CDC42SE2: variants seen among roughly 807,000 people sequenced by gnomAD.
CDC42SE2 encodes CDC42 small effector protein 2.
A neutral mutation model predicts 11.5 loss-of-function variants in CDC42SE2; 3 were observed. The observed-to-expected ratio is 0.26, with a 90% confidence interval of 0.12 to 0.67. The LOEUF is 0.67. Among genes scored for constraint, CDC42SE2 ranks in the 30% least tolerant of loss-of-function variants. CDC42SE2 has a pLI of 0.80. For missense variants in CDC42SE2, 82 were observed against 106.8 expected (o/e 0.77, Z 1.02); for synonymous variants, 33 against 34.8 (o/e 0.95, Z 0.18).
chr5:131,289,588 G>A (rs1483254954), intron 1 of CDC42SE2, among the ~76,000 whole-genome samples: 3 of 151,898 alleles, frequency 2.0e-5, no homozygotes, highest in Non-Finnish European at 4.4e-5. Context: ...CAGGAGAATG[G>A]CATGAACCCA....
At chr5:131,235,197 C>T in the CDC42SE2 span, among the ~76,000 whole-genome samples, 1 of 151,634 alleles carries the variant, frequency 6.6e-6, no homozygotes, top group Non-Finnish European at 1.5e-5. Context: ...CCAGTGAGGG[C>T]AAATAGTCTT....
intron 2 of CDC42SE2, among the ~76,000 whole-genome samples, chr5:131,347,838 G>T (rs143208256): frequency 0.034 from 5,222 of 152,254 alleles, 305 homozygotes; most frequent in African/African-American, 0.12. Flanking sequence ...TGCAAGGCTG[G>T]TTCAACATAT....
the CDC42SE2 span, among the ~76,000 whole-genome samples, chr5:131,226,127 A>G: frequency 6.6e-6 from 1 of 152,202 alleles, no homozygotes; most frequent in African/African-American, 2.4e-5. Context: ...CAGGATGGGT[A>G]TGGTTGACAC....
intron 1 of CDC42SE2, among the ~76,000 whole-genome samples, chr5:131,251,752 G>A (rs1420020013): frequency 2.0e-5 from 3 of 152,138 alleles, no homozygotes; most frequent in Non-Finnish European, 2.9e-5. Flanking sequence ...GGTGGCTTGT[G>A]CCTGTAATTG....
Position 131,344,514 on chromosome 5 carries a change from G to C in CDC42SE2, c.-285-14695G>C, listed in dbSNP as rs559100529. The stretch of plus-strand genomic sequence containing the variant: ...AAGAGCGGCCAGGAAGCTCGAACTG[G>C]GTGGAGCCCACCACAGCTCAAGGAG... On this transcript the variant is annotated intron_variant, in intron 2 of 4. Coordinates refer to ENST00000505065, the MANE Select transcript of CDC42SE2 (RefSeq NM_001375635.1). 2.0e-5 allele frequency among the ~76,000 whole-genome samples: 3 copies of C among 152,320 alleles called. No homozygotes were observed. In the South Asian group the frequency reaches 6.2e-4, roughly 32 times the overall value.
chr5:131,277,162 T>C (rs1009749781), intron 1 of CDC42SE2, among the ~76,000 whole-genome samples: 1 of 152,242 alleles, frequency 6.6e-6, no homozygotes, highest in African/African-American at 2.4e-5. Flanking sequence ...TAGTTTTCAT[T>C]AGAATTTGAC....
the CDC42SE2 span, among the ~76,000 whole-genome samples, chr5:131,212,032 G>A: frequency 4.0e-5 from 6 of 151,656 alleles, no homozygotes; most frequent in Non-Finnish European, 8.8e-5. Context: ...TAAATAAAAA[G>A]TAAAGTAAAA....
intron 3 of CDC42SE2, among the ~76,000 whole-genome samples, chr5:131,369,126 T>G (rs1749943473): frequency 6.6e-6 from 1 of 152,216 alleles, no homozygotes; most frequent in Non-Finnish European, 1.5e-5. Context: ...CATCTATGTA[T>G]GTATCCCTAA....
the CDC42SE2 span, among the ~76,000 whole-genome samples, chr5:131,230,884 G>C: frequency 3.0e-4 from 45 of 152,210 alleles, 1 homozygote; most frequent in African/African-American, 1.1e-3. Flanking sequence ...TTATATTACA[G>C]ATTTTCTCAT....
At chr5:131,287,151 T>G (rs1757357977) in intron 1 of CDC42SE2, among the ~76,000 whole-genome samples, 1 of 152,112 alleles carries the variant, frequency 6.6e-6, no homozygotes, top group African/African-American at 2.4e-5. Flanking sequence ...CCCGCCACCA[T>G]GCCCAGCTAA....
intron 1 of CDC42SE2, among the ~76,000 whole-genome samples, chr5:131,248,705 A>G (rs1409678899): frequency 1.3e-5 from 2 of 152,248 alleles, no homozygotes; most frequent in African/African-American, 2.4e-5. Context: ...AACTGTTTAC[A>G]GTAATATCAG....
At chr5:131,258,420 C>A (rs1166940308) in intron 2 of CDC42SE2, among the ~76,000 whole-genome samples, 3 of 152,116 alleles carry the variant, frequency 2.0e-5, no homozygotes, top group African/African-American at 7.2e-5. Context: ...AAAAGGAGTT[C>A]TTGGTTACTT....
At chr5:131,221,181 A>G in the CDC42SE2 span, among the ~76,000 whole-genome samples, 14 of 152,226 alleles carry the variant, frequency 9.2e-5, no homozygotes, top group East Asian at 1.5e-3. Context: ...GCCTCACCAG[A>G]GACTTTAAAT....
the CDC42SE2 span, among the ~76,000 whole-genome samples, chr5:131,222,632 A>G: frequency 6.6e-6 from 1 of 152,308 alleles, no homozygotes; most frequent in South Asian, 2.1e-4. Context: ...TTTCTACTGC[A>G]TGTATGTTGT....
chr5:131,310,378 A>G (rs954240586), intron 1 of CDC42SE2, among the ~76,000 whole-genome samples: 12 of 151,678 alleles, frequency 7.9e-5, no homozygotes, highest in African/African-American at 2.9e-4. Flanking sequence ...TATGTGGTCC[A>G]TTTTGGAATA....
At chr5:131,239,049 A>G in the CDC42SE2 span, among the ~76,000 whole-genome samples, 17 of 151,924 alleles carry the variant, frequency 1.1e-4, no homozygotes, top group Non-Finnish European at 5.9e-5. Flanking sequence ...CCAGCTACTC[A>G]GGAGGCTGAG....
At chr5:131,307,593 G>C (rs910701411) in intron 1 of CDC42SE2, among the ~76,000 whole-genome samples, 1 of 152,046 alleles carries the variant, frequency 6.6e-6, no homozygotes, top group Non-Finnish European at 1.5e-5. Context: ...GTAATGGGAC[G>C]GCTGGGTCAA....
At position 131,364,619 on chromosome 5, in the gene CDC42SE2, G is replaced by C. The variant is rs1389068401; in HGVS notation, c.54+5072G>C. On this transcript the variant is annotated intron_variant, in intron 3 of 4. Transcript: ENST00000505065. Reference sequence around the variant, plus strand: ...TTGACTTACTGTATGCTCAGACAGAGAGCACTGACAAACCATACTGCACAC... The same window carrying C: ...TTGACTTACTGTATGCTCAGACAGACAGCACTGACAAACCATACTGCACAC... 3.3e-5 allele frequency among the ~76,000 whole-genome samples: 5 copies of C among 152,230 alleles called. No individual in the cohort carries two copies. The East Asian group carries it at 9.6e-4, about 29-fold the overall frequency.
intron 1 of CDC42SE2, among the ~76,000 whole-genome samples, chr5:131,264,902 T>G (rs1756824648): frequency 6.6e-6 from 1 of 152,252 alleles, no homozygotes; most frequent in South Asian, 2.1e-4. Flanking sequence ...GCAATTATTT[T>G]AAATGATAAG....
Sources: gnomAD v4.1 joint callset for allele counts (sites outside exome capture counted in the v4.1 genomes callset) on GRCh38, gnomAD v4.1.1 for gene constraint, MANE v1.5 for transcripts, NCBI Gene and HGNC (gene_info 2026-07-23, HGNC 2026-07-21) for gene names.